The following ST7L variants were observed in gnomAD, a reference collection of about 807,000 sequenced individuals.
ST7L encodes suppression of tumorigenicity 7 like, also known as suppressor of tumorigenicity 7 protein-like.
A neutral mutation model predicts 72.5 loss-of-function variants in ST7L; 57 were observed. The ratio of observed to expected loss-of-function variants is 0.79; its 90% CI spans 0.64 to 0.98. ST7L has a LOEUF of 0.98. Among genes scored for constraint, ST7L ranks in the 50% least tolerant of loss-of-function variants. The probability of loss-of-function intolerance (pLI) is 0.00; values close to 1 mark genes in which losing one functional copy is unlikely to be tolerated. For synonymous variants in ST7L, 221 were observed against 240.9 expected (o/e 0.92, Z 0.77); for missense variants, 576 against 672.2 (o/e 0.86, Z 1.58).
chr1:112,528,773 G>C (rs1053270445), intron 14 of ST7L: 2 of 152,140 alleles, frequency 1.3e-5, no homozygotes, highest in African/African-American at 4.8e-5. Flanking sequence ...ATTCTACTTG[G>C]TATATTGAAT....
At chr1:112,611,091 C>A in intron 2 of ST7L, 88 bp from the exon 3 acceptor site, 1 of 1,323,298 alleles carries the variant, frequency 7.6e-7, no homozygotes, top group South Asian at 1.5e-5. Context: ...ATGTCCTGTT[C>A]AATTCAGCAT....
intron 11 of ST7L, among the ~76,000 whole-genome samples, chr1:112,573,888 T>C (rs1662584993): frequency 6.8e-6 from 1 of 148,092 alleles, no homozygotes; most frequent in African/African-American, 2.5e-5. Context: ...AGCAAGACCC[T>C]GTCTTCGTTT....
At chr1:112,538,005 T>A (rs567243039) in intron 14 of ST7L, among the ~76,000 whole-genome samples, 2 of 152,238 alleles carry the variant, frequency 1.3e-5, no homozygotes, top group Admixed American at 1.3e-4. Context: ...ACAATTTTTT[T>A]AACAAATGCA....
intron 14 of ST7L, among the ~76,000 whole-genome samples, chr1:112,533,693 T>C (rs1484879750): frequency 6.6e-6 from 1 of 152,168 alleles, no homozygotes; most frequent in Non-Finnish European, 1.5e-5. Context: ...TCTTGCTCTG[T>C]GTCCCAGGCT....
chr1:112,526,085 G>A lies in ST7L; in HGVS notation c.1656C>T (p.Pro552=). 2 of 1,614,146 alleles carry A rather than the reference G, an allele frequency of 1.2e-6. No homozygotes were observed. Among genetic ancestry groups the A allele is most frequent in the Non-Finnish European group, 8.5e-7 (1 of 1,180,036 alleles). ...TCTCCTCAAAGCCTGAGGATGCCCAGGGTTGGGGGCACCAGAGTCCCAGCA... is the reference window on the plus strand; with the variant it reads ...TCTCCTCAAAGCCTGAGGATGCCCAAGGTTGGGGGCACCAGAGTCCCAGCA... ...KAVLGLWCPQ[P]WASSGFEENT... The change falls in exon 15 of 15, where the codon CCC becomes CCT. Residue 552 remains proline, a synonymous_variant. Transcript: ENST00000358039.
At chr1:112,571,161 C>A (rs1176821969) in intron 11 of ST7L, 3 of 381,608 alleles carry the variant, frequency 7.9e-6, no homozygotes, top group Non-Finnish European at 1.5e-5. Context: ...CAGAGCGAGA[C>A]TGTCTCAAAA....
At chr1:112,560,967 GAA>G (rs35379282) in intron 11 of ST7L, among the ~76,000 whole-genome samples, 23 of 90,222 alleles carry the variant, frequency 2.5e-4, no homozygotes, top group Admixed American at 9.4e-4. Flanking sequence ...ACATCTTAAA[GAA>G]AAAAAAAAAA....
intron 1 of ST7L, 102 bp from the exon 2 acceptor site, chr1:112,616,997 T>C: frequency 1.4e-6 from 1 of 717,240 alleles, no homozygotes; most frequent in Non-Finnish European, 2.4e-6. Context: ...TTAAGTAGTA[T>C]TAATATCTAG....
chr1:112,520,303 G>A, downstream of ST7L: 1 of 1,614,114 alleles, frequency 6.2e-7, no homozygotes, highest in South Asian at 1.1e-5. Flanking sequence ...TGCAGGCCGT[G>A]TCTGCAGCAA....
intron 11 of ST7L, among the ~76,000 whole-genome samples, chr1:112,565,842 C>A (rs11102496): frequency 6.6e-6 from 1 of 151,884 alleles, no homozygotes; most frequent in East Asian, 2.0e-4. Flanking sequence ...ATGGCAAAAC[C>A]CCATCTCTAC....
At chr1:112,581,387 G>A (rs1009671783) in intron 9 of ST7L, among the ~76,000 whole-genome samples, 2 of 146,322 alleles carry the variant, frequency 1.4e-5, no homozygotes, top group Non-Finnish European at 1.5e-5. Flanking sequence ...AATCCTATGA[G>A]GGCTCCCCGT....
At chr1:112,519,491 CT>C (rs531068195), downstream of ST7L, among the ~76,000 whole-genome samples, 626 of 152,210 alleles carry the variant, frequency 4.1e-3, no homozygotes, top group Non-Finnish European at 6.4e-3. Context: ...ATCCAAAAGT[CT>C]ATTGATTTTA....
At chr1:112,585,665 G>A (rs888806808) in intron 6 of ST7L, among the ~76,000 whole-genome samples, 61 of 151,640 alleles carry the variant, frequency 4.0e-4, no homozygotes, top group African/African-American at 1.3e-3. Flanking sequence ...CCTGGGAGAC[G>A]GAGCTTGCAG....
At position 112,525,896 on chromosome 1, in the gene ST7L, C is replaced by A; in HGVS notation, c.*117G>T. 7.2e-7 allele frequency: 1 copy of A among 1,382,628 alleles called. No individual in the cohort carries two copies. Among genetic ancestry groups the A allele is most frequent in the Non-Finnish European group, 9.7e-7 (1 of 1,033,146 alleles). The allele number at this position is 1,382,628 out of a possible 1,614,324, so 85.6% of individuals were successfully genotyped here. ...AAGAAGCTTTTTCATATGCAAAATG[C>A]TTTAGCATATATGTAATCCTCACAA... On this transcript the variant is annotated 3_prime_UTR_variant, in exon 15 of 15. Coordinates refer to ENST00000358039, the MANE Select transcript of ST7L (RefSeq NM_017744.5).
intron 13 of ST7L, among the ~76,000 whole-genome samples, chr1:112,545,698 T>C (rs939774777): frequency 1.3e-5 from 2 of 152,230 alleles, no homozygotes; most frequent in Non-Finnish European, 2.9e-5. Context: ...TTAGTTTTAG[T>C]TCTTGTCCTG....
At chr1:112,553,093 A>AC (rs996377865) in intron 12 of ST7L, among the ~76,000 whole-genome samples, 35 of 152,238 alleles carry the variant, frequency 2.3e-4, no homozygotes, top group East Asian at 1.4e-3. Context: ...TAGACTTAAA[A>AC]AAAACAAAAC....
chr1:112,546,766 G>T (rs1657149192), intron 13 of ST7L, among the ~76,000 whole-genome samples: 1 of 151,910 alleles, frequency 6.6e-6, no homozygotes, highest in Non-Finnish European at 1.5e-5. Context: ...GTTTGAAGTT[G>T]CTCTCTATTA....
downstream of ST7L, chr1:112,522,656 G>A (rs980163572): frequency 1.3e-5 from 2 of 152,236 alleles, no homozygotes; most frequent in Admixed American, 1.3e-4. Flanking sequence ...TAATATTTGT[G>A]TAACCTGCTG....
intron 11 of ST7L, among the ~76,000 whole-genome samples, chr1:112,561,456 G>A (rs980488749): frequency 4.0e-5 from 6 of 150,376 alleles, no homozygotes; most frequent in East Asian, 1.9e-4. Context: ...TACATTTTGC[G>A]CCTCCCTTCC....
Sources: gnomAD v4.1 joint callset for allele counts (sites outside exome capture counted in the v4.1 genomes callset) on GRCh38, gnomAD v4.1.1 for gene constraint, MANE v1.5 for transcripts, NCBI Gene and HGNC (gene_info 2026-07-23, HGNC 2026-07-21) for gene names.